Variants in TNS3 observed in about 807,000 individuals in gnomAD.
TNS3 encodes the protein tensin-3.
TNS3 carries 45 observed loss-of-function variants against 140.9 expected under a neutral mutation model. The observed-to-expected ratio is 0.32, with a 90% CI of 0.25 to 0.41. The LOEUF (loss-of-function observed/expected upper bound fraction) is 0.41. Ranked by LOEUF, TNS3 falls within the 10% of genes least tolerant of loss-of-function variation. The probability of loss-of-function intolerance (pLI) is 1.00; values close to 1 mark genes in which losing one functional copy is unlikely to be tolerated. For missense variants in TNS3, 1,716 were observed against 1,906.7 expected (o/e 0.90, Z 1.86); for synonymous variants, 815 against 788.4 (o/e 1.03, Z -0.56).
At chr7:47,386,300 G>A (rs145028183) in intron 16 of TNS3, among the ~76,000 whole-genome samples, 16 of 152,310 alleles carry the variant, frequency 1.1e-4, no homozygotes, top group African/African-American at 2.4e-4. Context: ...CAGGCGGAGC[G>A]CACACAGGAC....
intron 3 of TNS3, among the ~76,000 whole-genome samples, chr7:47,484,188 A>G (rs1293238325): frequency 6.6e-6 from 1 of 152,226 alleles, no homozygotes; most frequent in African/African-American, 2.4e-5. Flanking sequence ...ATGTCTCAGG[A>G]AAGACCTTTT....
intron 16 of TNS3, among the ~76,000 whole-genome samples, chr7:47,393,244 C>G (rs1160368397): frequency 6.6e-6 from 1 of 152,100 alleles, no homozygotes; most frequent in Admixed American, 6.6e-5. Flanking sequence ...TAATTTACAT[C>G]TTCAAAAAAT....
intron 16 of TNS3, among the ~76,000 whole-genome samples, chr7:47,389,081 GAA>G (rs1792311288): frequency 5.6e-5 from 4 of 71,504 alleles, no homozygotes; most frequent in East Asian, 1.1e-3. Context: ...AGAAGAAGAA[GAA>G]GAGGAAGAGG....
intron 1 of TNS3, among the ~76,000 whole-genome samples, chr7:47,543,419 A>T (rs931012234): frequency 6.6e-6 from 1 of 152,202 alleles, no homozygotes; most frequent in Admixed American, 6.5e-5. Flanking sequence ...CACCTGAAAG[A>T]CTGGAGAGGT....
chr7:47,360,910 CCT>C lies in TNS3; in HGVS notation c.2281+7453_2281+7454del, dbSNP rs1179313988. ...GACTTTTAGAAAGTACCATGGATCC[CCT>C]GTGTCCCTAGCACGGATCTGAAACC... On this transcript the variant is annotated intron_variant, in intron 17 of 30. Transcript: ENST00000311160. Among the ~76,000 whole-genome samples, 5 of 152,220 alleles carry C rather than the reference CCT, an allele frequency of 3.3e-5. No homozygotes were observed. In the East Asian group the frequency reaches 9.7e-4, roughly 29 times the overall value.
intron 1 of TNS3, among the ~76,000 whole-genome samples, chr7:47,575,235 A>G (rs895257764): frequency 6.6e-6 from 1 of 152,244 alleles, no homozygotes. Flanking sequence ...ATCAGCAGTC[A>G]TATTTATGCA....
chr7:47,369,028 C>T lies in TNS3; in HGVS notation c.1618G>A (p.Asp540Asn). The T allele has an allele frequency of 6.2e-7, 1 of 1,614,038 alleles. No homozygotes were observed. The highest frequency in any genetic ancestry group is 8.5e-7 in the Non-Finnish European group (1 of 1,180,046). Residue 540 changes from aspartate to asparagine, a missense_variant, in exon 17 of 31, where the codon GAC becomes AAC. Asp to Asn is a conservative substitution (Grantham distance 23). Transcript: ENST00000311160. ...GEDPQGTLVPDLGLGMDGPYE... is the reference protein window; with the variant it reads ...GEDPQGTLVPNLGLGMDGPYE... ...GGGCCGTCCATGCCAAGGCCCAGGT[C>T]CGGAACGAGGGTGCCCTGCGGATCT...
chr7:47,295,679 C>G (rs1360909182), intron 24 of TNS3, among the ~76,000 whole-genome samples: 3 of 152,130 alleles, frequency 2.0e-5, no homozygotes, highest in Admixed American at 1.3e-4. Flanking sequence ...TTGACTGAGC[C>G]CCGGGTCTTT....
At chr7:47,339,337 A>G (rs1438910049) in intron 20 of TNS3, among the ~76,000 whole-genome samples, 1 of 152,200 alleles carries the variant, frequency 6.6e-6, no homozygotes, top group Non-Finnish European at 1.5e-5. Flanking sequence ...TTTTACATTT[A>G]AGTCCATCAT....
intron 2 of TNS3, among the ~76,000 whole-genome samples, chr7:47,524,012 G>A (rs557699347): frequency 6.6e-6 from 1 of 152,348 alleles, no homozygotes; most frequent in Admixed American, 6.5e-5. Flanking sequence ...AGGCTGGAAA[G>A]GTGAACGCAA....
intron 20 of TNS3, among the ~76,000 whole-genome samples, chr7:47,319,909 C>T (rs972122667): frequency 6.6e-6 from 1 of 152,164 alleles, no homozygotes; most frequent in African/African-American, 2.4e-5. Context: ...CAGGCGTTGC[C>T]ATCTTCACCC....
chr7:47,292,922 C>G lies in TNS3; in HGVS notation c.3773-17G>C. ...TCAGGCTCCCTGCAAAGTGGACAGA[C>G]AGCAAACAAGAGTCAACAACTGCTG... On this transcript the variant is annotated splice_polypyrimidine_tract_variant and intron_variant, in intron 25 of 30. Transcript: ENST00000311160. 6.2e-7 allele frequency: 1 copy of G among 1,613,154 alleles called. No homozygotes were observed. The highest frequency in any genetic ancestry group is 1.1e-5 in the South Asian group (1 of 90,988).
At chr7:47,333,597 G>A (rs1788460270) in intron 20 of TNS3, among the ~76,000 whole-genome samples, 1 of 152,100 alleles carries the variant, frequency 6.6e-6, no homozygotes, top group Non-Finnish European at 1.5e-5. Context: ...CTCATTCAGA[G>A]CTCATAAAAA....
At chr7:47,377,453 G>A (rs1483857148) in intron 16 of TNS3, among the ~76,000 whole-genome samples, 2 of 152,304 alleles carry the variant, frequency 1.3e-5, no homozygotes, top group East Asian at 3.9e-4. Flanking sequence ...GAAGAGTGGG[G>A]CTGCAAAGGG....
At chr7:47,521,170 T>C (rs1226954094) in intron 2 of TNS3, among the ~76,000 whole-genome samples, 1 of 152,086 alleles carries the variant, frequency 6.6e-6, no homozygotes, top group African/African-American at 2.4e-5. Context: ...TCCTCCATCG[T>C]CCTGACAATG....
At chr7:47,573,207 G>T (rs958567795) in intron 1 of TNS3, among the ~76,000 whole-genome samples, 1 of 152,194 alleles carries the variant, frequency 6.6e-6, no homozygotes, top group Non-Finnish European at 1.5e-5. Context: ...TATGCCCTTT[G>T]TTGAGGACCC....
intron 30 of TNS3, 57 bp downstream of exon 30, chr7:47,280,107 A>G: frequency 6.2e-7 from 1 of 1,603,760 alleles, no homozygotes; most frequent in South Asian, 1.1e-5. Flanking sequence ...AAGAGAATTC[A>G]ACTTTGGAGT....
chr7:47,455,232 G>A (rs1374154008), intron 4 of TNS3, among the ~76,000 whole-genome samples: 1 of 152,090 alleles, frequency 6.6e-6, no homozygotes, highest in Non-Finnish European at 1.5e-5. Context: ...TGTTTGCAAG[G>A]CTGAGGGAAG....
intron 20 of TNS3, among the ~76,000 whole-genome samples, chr7:47,320,069 A>T (rs192602130): frequency 2.1e-4 from 32 of 152,348 alleles, no homozygotes; most frequent in Admixed American, 3.3e-4. Flanking sequence ...ACAGAGACTC[A>T]GAATGCATTT....
Sources: gnomAD v4.1 joint callset for allele counts (sites outside exome capture counted in the v4.1 genomes callset) on GRCh38, gnomAD v4.1.1 for gene constraint, MANE v1.5 for transcripts, NCBI Gene and HGNC (gene_info 2026-07-23, HGNC 2026-07-21) for gene names.